The following RRM2 variants were observed in gnomAD, a reference collection of about 807,000 sequenced individuals.
RRM2 encodes the protein ribonucleoside-diphosphate reductase subunit M2.
A neutral mutation model predicts 45.9 loss-of-function variants in RRM2; 6 were observed. The ratio of observed to expected loss-of-function variants is 0.13; its 90% CI spans 0.07 to 0.26. The LOEUF is 0.26. RRM2 is among the 10% of genes least tolerant of loss of function. The pLI is 1.00. For synonymous variants in RRM2, 177 were observed against 173.0 expected (o/e 1.02, Z -0.18); for missense variants, 343 against 489.5 (o/e 0.70, Z 2.82).
upstream of RRM2, chr2:10,122,738 C>G (rs72542788): frequency 3.8e-3 from 5,980 of 1,553,284 alleles, 183 homozygotes; most frequent in African/African-American, 0.069. Flanking sequence ...AGGGGTCGCC[C>G]GTGCACCCTG....
At chr2:10,174,484 G>T (rs1014307982) in intron 3 of RRM2, among the ~76,000 whole-genome samples, 1 of 151,982 alleles carries the variant, frequency 6.6e-6, no homozygotes, top group South Asian at 2.1e-4. Context: ...GAGCGCCTAT[G>T]GGGTGGAGTG....
In RRM2 at chr2:10,172,122, G is replaced by A. The variant is rs969756992; in HGVS notation, n.482+29747G>A. 7.2e-5 allele frequency among the ~76,000 whole-genome samples: 11 copies of A among 152,348 alleles called. No individual in the cohort carries two copies. Among genetic ancestry groups the A allele is most frequent in the South Asian group, 2.1e-4 (1 of 4,834 alleles). ...GAACGTCTGTGTTTACAGGGCATGCGTTTGGGAGCCAGACAGACCTGGGCT... is the reference window on the plus strand; with the variant it reads ...GAACGTCTGTGTTTACAGGGCATGCATTTGGGAGCCAGACAGACCTGGGCT... On this transcript the variant is annotated intron_variant and non_coding_transcript_variant, in intron 3 of 3. Transcript: ENST00000381786. The surrounding 1 kb of genome is among the most constrained non-coding windows in gnomAD (Gnocchi z 4.9).
chr2:10,144,110 G>C (rs1463882102), intron 3 of RRM2, among the ~76,000 whole-genome samples: 3 of 152,198 alleles, frequency 2.0e-5, no homozygotes, highest in Admixed American at 1.3e-4. Flanking sequence ...GTAACCCAAG[G>C]GGGTAGCGGA....
At chr2:10,122,732 G>A (rs72542787), upstream of RRM2, 141,794 of 1,552,056 alleles carry the variant, frequency 0.091, 7,235 homozygotes, top group Non-Finnish European at 0.1. Context: ...GGAGTGAGGG[G>A]TCGCCCGTGC....
intron 3 of RRM2, among the ~76,000 whole-genome samples, chr2:10,181,992 G>A (rs975337193): frequency 6.6e-6 from 1 of 151,822 alleles, no homozygotes; most frequent in Non-Finnish European, 1.5e-5. Flanking sequence ...TCTTGAACTC[G>A]TAGGTTCAAG....
At chr2:10,198,112 C>T (rs935849574) in intron 3 of RRM2, among the ~76,000 whole-genome samples, 1 of 152,234 alleles carries the variant, frequency 6.6e-6, no homozygotes, top group African/African-American at 2.4e-5. Context: ...GGCCCTGCCT[C>T]TCCCCTGTAT....
upstream of RRM2, among the ~76,000 whole-genome samples, chr2:10,139,801 C>G (rs1182187798): frequency 2.0e-5 from 3 of 152,216 alleles, no homozygotes; most frequent in Non-Finnish European, 4.4e-5. Flanking sequence ...TTCCTCAGTT[C>G]CCACCCTCCT....
At chr2:10,210,349 T>G (rs1664736044) in exon 4 of RRM2, 1 of 1,367,598 alleles carries the variant, frequency 7.3e-7, no homozygotes. Context: ...CTGCAGAGTC[T>G]GGAGAAGCCC....
intron 3 of RRM2, among the ~76,000 whole-genome samples, chr2:10,151,061 C>T (rs1011738531): frequency 1.3e-4 from 20 of 152,100 alleles, no homozygotes; most frequent in South Asian, 4.1e-4. Context: ...GTGATCCACC[C>T]GCCTTGGCCT....
chr2:10,199,247 G>C (rs1393795294), intron 3 of RRM2: 1 of 110,208 alleles, frequency 9.1e-6, no homozygotes, highest in Non-Finnish European at 1.7e-5. Context: ...CTTCAAGAAA[G>C]CACAGCTTAG....
At chr2:10,132,505 G>A (rs1193982004), downstream of RRM2, among the ~76,000 whole-genome samples, 1 of 152,130 alleles carries the variant, frequency 6.6e-6, no homozygotes, top group Admixed American at 6.5e-5. Context: ...TTCTTCCCGT[G>A]CTGCTCTGTA....
chr2:10,127,002 G>A lies in RRM2; in HGVS notation c.664+33G>A, dbSNP rs1662793622. 6.2e-7 allele frequency: 1 copy of A among 1,611,938 alleles called. No homozygotes were observed. The highest frequency in any genetic ancestry group is 1.3e-5 in the African/African-American group (1 of 74,778). ...GACCCTTGCCCCTACTTAAACCTGA[G>A]CTTCATTTTCCAAGTAATGTTACTG... On this transcript the variant is annotated intron_variant, in intron 6 of 9. Transcript: ENST00000304567. This position sits in a 1 kb window ranked among gnomAD's most constrained non-coding sequence, Gnocchi z 4.1.
intron 5 of RRM2, 54 bp downstream of exon 5, chr2:10,124,904 A>AT (rs1662748535): frequency 6.5e-7 from 1 of 1,527,224 alleles, no homozygotes; most frequent in Non-Finnish European, 8.9e-7. Context: ...TTGTTGATTT[A>AT]TTACACATTT....
chr2:10,136,887 C>T (rs1486920445), upstream of RRM2, among the ~76,000 whole-genome samples: 3 of 152,108 alleles, frequency 2.0e-5, no homozygotes, highest in Admixed American at 6.6e-5. Context: ...AGAAGGGAGG[C>T]CAAAGGTTGG....
At chr2:10,210,836 A>G (rs879717666) in exon 4 of RRM2, 1 of 346,958 alleles carries the variant, frequency 2.9e-6, no homozygotes, top group Admixed American at 4.0e-5. Flanking sequence ...GTGAGGGTGG[A>G]GACCCATGCT....
chr2:10,194,941 C>T (rs548044805), intron 3 of RRM2, among the ~76,000 whole-genome samples: 2 of 152,190 alleles, frequency 1.3e-5, no homozygotes, highest in Admixed American at 6.5e-5. Context: ...GACCTCTCGG[C>T]GTCTCCGTTC....
chr2:10,196,621 G>C (rs775175602), intron 3 of RRM2, among the ~76,000 whole-genome samples: 1 of 150,932 alleles, frequency 6.6e-6, no homozygotes, highest in Non-Finnish European at 1.5e-5. Flanking sequence ...ATCCCATGGG[G>C]GGCCGGGCTC....
At chr2:10,148,383 A>G (rs1663236846) in intron 3 of RRM2, among the ~76,000 whole-genome samples, 1 of 135,966 alleles carries the variant, frequency 7.4e-6, no homozygotes, top group South Asian at 2.3e-4. Context: ...CCAGTAGTTT[A>G]ATCAAAAGGG....
chr2:10,154,303 G>A (rs1409834712), intron 3 of RRM2, among the ~76,000 whole-genome samples: 5 of 151,658 alleles, frequency 3.3e-5, no homozygotes, highest in Non-Finnish European at 7.4e-5. Context: ...GCGAGACCTC[G>A]CCTCTACTAA....
Sources: gnomAD v4.1 joint callset for allele counts (sites outside exome capture counted in the v4.1 genomes callset) on GRCh38, gnomAD v4.1.1 for gene constraint, Gnocchi (gnomAD v3.1) non-coding constraint, MANE v1.5 for transcripts, NCBI Gene and HGNC (gene_info 2026-07-23, HGNC 2026-07-21) for gene names.